The following NDUFAF2 variants were observed in gnomAD, a reference collection of about 807,000 sequenced individuals.
NDUFAF2 encodes NADH:ubiquinone oxidoreductase complex assembly factor 2, also known as NADH dehydrogenase [ubiquinone] 1 alpha subcomplex assembly factor 2.
Under a neutral mutation model 22.8 loss-of-function variants are expected in NDUFAF2, and 13 were observed. That is an observed-to-expected ratio of 0.57 (90% CI 0.37 to 0.91). The LOEUF is 0.91. Among genes scored for constraint, NDUFAF2 ranks in the 40% least tolerant of loss-of-function variants. NDUFAF2 has a pLI of 0.01. For missense variants in NDUFAF2, 162 were observed against 195.2 expected, an observed-to-expected ratio of 0.83 and a Z score of 1.01; for synonymous variants, 53 against 64.2, an observed-to-expected ratio of 0.83 and a Z score of 0.84.
At chr5:61,090,290 A>G (rs1359141923) in intron 2 of NDUFAF2, among the ~76,000 whole-genome samples, 1 of 152,084 alleles carries the variant, frequency 6.6e-6, no homozygotes, top group African/African-American at 2.4e-5. Flanking sequence ...TTAGTCAGTT[A>G]CAATTACTCA....
At chr5:61,144,852 A>G (rs1480112929) in intron 3 of NDUFAF2, among the ~76,000 whole-genome samples, 2 of 152,222 alleles carry the variant, frequency 1.3e-5, no homozygotes, top group Non-Finnish European at 2.9e-5. Context: ...AGAGACCTCT[A>G]GTATTTTTCT....
chr5:61,056,392 G>A (rs1436549241), intron 1 of NDUFAF2, among the ~76,000 whole-genome samples: 2 of 152,128 alleles, frequency 1.3e-5, no homozygotes, highest in East Asian at 3.9e-4. Context: ...TCTTTTTGCA[G>A]CCTTCACAAG....
At chr5:61,140,896 A>G (rs1741042536) in intron 3 of NDUFAF2, among the ~76,000 whole-genome samples, 2 of 152,176 alleles carry the variant, frequency 1.3e-5, no homozygotes, top group South Asian at 4.1e-4. Context: ...ATACTGAAGT[A>G]TCACCTTCTC....
At chr5:61,023,508 T>G (rs553283999) in intron 1 of NDUFAF2, among the ~76,000 whole-genome samples, 20 of 152,274 alleles carry the variant, frequency 1.3e-4, no homozygotes, top group African/African-American at 4.8e-4. Context: ...GACTATGTAT[T>G]CTATGGAAGT....
chr5:61,045,288 A>ATTAAATTTTAATAAAATAAAATAAAATT, intron 1 of NDUFAF2, among the ~76,000 whole-genome samples: 1 of 146,628 alleles, frequency 6.8e-6, no homozygotes, highest in Non-Finnish European at 1.5e-5. Context: ...ATAAAATTTT[A>ATTAAATTTTAATAAAATAAAATAAAATT]TTAAATTTTA....
chr5:61,151,504 C>A (rs1470846665), intron 3 of NDUFAF2, among the ~76,000 whole-genome samples: 7 of 152,092 alleles, frequency 4.6e-5, no homozygotes, highest in African/African-American at 1.7e-4. Context: ...ATGGACCAGG[C>A]GTGGTGGCTC....
chr5:61,047,622 C>A (rs970100871), intron 1 of NDUFAF2, among the ~76,000 whole-genome samples: 1 of 151,980 alleles, frequency 6.6e-6, no homozygotes, highest in Non-Finnish European at 1.5e-5. Flanking sequence ...CATCCATTAT[C>A]TTCTTTCTGA....
At chr5:61,010,910 T>A (rs1394384510) in intron 1 of NDUFAF2, among the ~76,000 whole-genome samples, 1 of 152,138 alleles carries the variant, frequency 6.6e-6, no homozygotes, top group Non-Finnish European at 1.5e-5. Flanking sequence ...CCTTTTCTCC[T>A]GCTGGCTAGA....
intron 1 of NDUFAF2, among the ~76,000 whole-genome samples, chr5:61,025,193 C>A (rs974085077): frequency 1.3e-5 from 2 of 151,946 alleles, no homozygotes; most frequent in Non-Finnish European, 2.9e-5. Flanking sequence ...GGACTGTATT[C>A]TGCACATCTC....
At chr5:60,973,513 A>G (rs936386374) in intron 1 of NDUFAF2, among the ~76,000 whole-genome samples, 2 of 152,180 alleles carry the variant, frequency 1.3e-5, no homozygotes, top group Non-Finnish European at 2.9e-5. Context: ...GCGTGAACTG[A>G]GGGAAATTCT....
intron 1 of NDUFAF2, among the ~76,000 whole-genome samples, chr5:61,006,428 C>CT (rs1213350337): frequency 6.6e-6 from 1 of 152,108 alleles, no homozygotes; most frequent in Non-Finnish European, 1.5e-5. Context: ...AATGCGATCT[C>CT]TTTTTTGGTT....
At chr5:61,001,303 T>A (rs1359198326) in intron 1 of NDUFAF2, among the ~76,000 whole-genome samples, 2 of 152,184 alleles carry the variant, frequency 1.3e-5, no homozygotes, top group Non-Finnish European at 2.9e-5. Context: ...TTTAATGAGC[T>A]CTTCACTATT....
intron 1 of NDUFAF2, among the ~76,000 whole-genome samples, chr5:60,979,283 G>A (rs1750944272): frequency 6.6e-6 from 1 of 152,088 alleles, no homozygotes; most frequent in Non-Finnish European, 1.5e-5. Flanking sequence ...AAGGAGAGAG[G>A]AGACTAAGGG....
intron 3 of NDUFAF2, among the ~76,000 whole-genome samples, chr5:61,127,153 C>T (rs7734656): frequency 0.047 from 7,077 of 151,976 alleles, 566 homozygotes; most frequent in African/African-American, 0.16. Context: ...AATAGCTTAC[C>T]GACCAAAAAC....
Position 61,136,005 on chromosome 5 carries a change from T to TTATATATATATATATATATATATA in NDUFAF2, c.259-16685_259-16662dup, listed in dbSNP as rs57756292. On this transcript the variant is annotated intron_variant, in intron 3 of 3. Transcript: ENST00000296597. ...TTGGTCCCTACATCTAAGCCTGTCTTTATATATATATATATATATATATAT... is the reference window on the plus strand; with the variant it reads ...TTGGTCCCTACATCTAAGCCTGTCTTTATATATATATATATATATATATATATATATATATATATATATATATAT... 1.1e-3 allele frequency among the ~76,000 whole-genome samples: 109 copies of TTATATATATATATATATATATATA among 95,966 alleles called. 1 individual carries two copies. Among genetic ancestry groups the TTATATATATATATATATATATATA allele is most frequent in the South Asian group, 2.2e-3 (6 of 2,790 alleles). The allele number at this position is 95,966 out of a possible 152,430, so 63.0% of individuals were successfully genotyped here. A position where few individuals can be genotyped will look rare whatever the true frequency, so the allele number is the denominator to read the frequency against.
intron 3 of NDUFAF2, among the ~76,000 whole-genome samples, chr5:61,127,045 A>G (rs55956827): frequency 0.036 from 5,545 of 152,288 alleles, 184 homozygotes; most frequent in East Asian, 0.16. Context: ...GAAGAAATGG[A>G]TAAATGCCTC....
intron 3 of NDUFAF2, among the ~76,000 whole-genome samples, chr5:61,113,506 G>A (rs1752871138): frequency 6.6e-6 from 1 of 152,110 alleles, no homozygotes; most frequent in African/African-American, 2.4e-5. Flanking sequence ...CAGGTGTTGT[G>A]GGAGGGACCC....
At chr5:61,059,670 C>T (rs1752140363) in intron 1 of NDUFAF2, among the ~76,000 whole-genome samples, 1 of 151,852 alleles carries the variant, frequency 6.6e-6, no homozygotes, top group Non-Finnish European at 1.5e-5. Flanking sequence ...GTTGAGATTC[C>T]TTATAGGACA....
chr5:60,989,017 C>T (rs1457489047), intron 1 of NDUFAF2, among the ~76,000 whole-genome samples: 1 of 152,106 alleles, frequency 6.6e-6, no homozygotes, highest in Non-Finnish European at 1.5e-5. Flanking sequence ...AAAATATTTG[C>T]AAACTGTGCT....
Sources: allele counts gnomAD v4.1 joint callset (sites outside exome capture counted in the v4.1 genomes callset), GRCh38; gene constraint gnomAD v4.1.1; transcripts MANE v1.5; gene names NCBI Gene and HGNC (gene_info 2026-07-23, HGNC 2026-07-21).